Variants in KIRREL1 observed in about 807,000 individuals in gnomAD.
The protein encoded by KIRREL1 is kirre like nephrin family adhesion molecule 1, also known as kin of IRRE-like protein 1.
In KIRREL1, 25 loss-of-function variants were observed where a neutral mutation model predicts 83.3. The observed-to-expected ratio is 0.30, with a 90% CI of 0.22 to 0.42. The LOEUF (loss-of-function observed/expected upper bound fraction) is 0.42, where lower values mean the gene tolerates loss of function less well. Ranked by LOEUF, KIRREL1 falls within the 10% of genes least tolerant of loss-of-function variation. KIRREL1 has a pLI of 1.00. For missense variants in KIRREL1, 812 were observed against 1,032.3 expected (o/e 0.79, Z 2.92); for synonymous variants, 388 against 410.4 (o/e 0.95, Z 0.66).
At position 158,099,737 on chromosome 1, in the gene KIRREL1, G is replaced by A. The variant is rs754954869; in HGVS notation, c.*4617G>A. The A allele has an allele frequency of 2.0e-5, 3 of 152,102 alleles. No individual in the cohort carries two copies. Among genetic ancestry groups the A allele is most frequent in the Non-Finnish European group, 4.4e-5 (3 of 68,034 alleles). 9.4% of individuals were successfully genotyped at this position (152,102 alleles called of 1,614,324 possible). On this transcript the variant is annotated 3_prime_UTR_variant, in exon 15 of 15. Transcript: ENST00000359209. Reference sequence around the variant, plus strand: ...TGGTTTTTTGCTGGCCCCAACCACTGGCCTTGTTGAGTATCGATGGGCCCT... The same window carrying A: ...TGGTTTTTTGCTGGCCCCAACCACTAGCCTTGTTGAGTATCGATGGGCCCT...
chr1:158,013,098 T>G (rs557929966), intron 1 of KIRREL1, among the ~76,000 whole-genome samples: 4 of 152,348 alleles, frequency 2.6e-5, no homozygotes, highest in African/African-American at 9.6e-5. Flanking sequence ...AATGAAGTCT[T>G]CTGACTCCCC....
chr1:158,053,936 T>A (rs773922418), intron 1 of KIRREL1, among the ~76,000 whole-genome samples: 1 of 149,052 alleles, frequency 6.7e-6, no homozygotes, highest in Non-Finnish European at 1.5e-5. Flanking sequence ...GGATGGGCCG[T>A]GTGCAGTGGC....
chr1:158,039,038 G>A (rs1660552929), intron 1 of KIRREL1, among the ~76,000 whole-genome samples: 1 of 152,218 alleles, frequency 6.6e-6, no homozygotes, highest in Non-Finnish European at 1.5e-5. Context: ...GGAAGAGCCA[G>A]GCTGACCACA....
chr1:157,998,547 A>G (rs901102006), intron 1 of KIRREL1, among the ~76,000 whole-genome samples: 28 of 152,166 alleles, frequency 1.8e-4, no homozygotes, highest in African/African-American at 6.0e-4. Context: ...ATGAACTACA[A>G]ATTTGGGAAT....
At chr1:158,073,041 G>A (rs943078156) in intron 1 of KIRREL1, among the ~76,000 whole-genome samples, 9 of 152,152 alleles carry the variant, frequency 5.9e-5, no homozygotes, top group South Asian at 2.1e-4. Context: ...GACTTGGGGC[G>A]TTCCTGTAAT....
chr1:158,067,188 C>T (rs1661378309), intron 1 of KIRREL1, among the ~76,000 whole-genome samples: 1 of 152,146 alleles, frequency 6.6e-6, no homozygotes, highest in Admixed American at 6.5e-5. Flanking sequence ...GCTGGCAGGT[C>T]GCTTCAGGGA....
chr1:158,061,293 C>T lies in KIRREL1; in HGVS notation c.53-14820C>T, dbSNP rs73022672. On this transcript the variant is annotated intron_variant, in intron 1 of 14. Transcript: ENST00000359209. ...AGATAGGTGTCACAAGCAATCAAAA[C>T]GAGCCTTTCTGCATCCAGCCCTGGA... is the stretch of plus-strand genomic sequence containing the variant. 7.7e-3 allele frequency among the ~76,000 whole-genome samples: 1,168 copies of T among 152,292 alleles called. 16 individuals carry two copies. Among genetic ancestry groups the T allele is most frequent in the African/African-American group, 0.026 (1,061 of 41,550 alleles).
intron 2 of KIRREL1, 67 bp downstream of exon 2, chr1:158,076,329 G>A (rs1661681374): frequency 1.4e-6 from 2 of 1,470,874 alleles, no homozygotes; most frequent in Non-Finnish European, 1.9e-6. Context: ...TTCCAGCATA[G>A]ATTCCTGGAC....
chr1:158,094,416 C>T lies in KIRREL1; in HGVS notation c.1797+26C>T. 4 of 1,605,404 alleles carry T rather than the reference C, an allele frequency of 2.5e-6. No homozygotes were observed. Among genetic ancestry groups the T allele is most frequent in the Non-Finnish European group, 2.6e-6 (3 of 1,174,090 alleles). ...GTGGGAAAGGGGGAAGGGGCCAGGGCATGAGGGCTGGTGGGCCAGTGGGTT... is the reference window on the plus strand; with the variant it reads ...GTGGGAAAGGGGGAAGGGGCCAGGGTATGAGGGCTGGTGGGCCAGTGGGTT... On this transcript the variant is annotated intron_variant, in intron 14 of 14. Coordinates refer to ENST00000359209, the MANE Select transcript of KIRREL1 (RefSeq NM_018240.7). This position sits in a 1 kb window ranked among gnomAD's most constrained non-coding sequence, Gnocchi z 4.6.
At chr1:158,086,423 AACACAC>A (rs61585802) in intron 4 of KIRREL1, among the ~76,000 whole-genome samples, 167 bp from the exon 5 acceptor site, 28 of 148,388 alleles carry the variant, frequency 1.9e-4, no homozygotes, top group African/African-American at 6.7e-4. Flanking sequence ...CTATTGATTA[AACACAC>A]ACACACACAC....
At chr1:158,046,133 T>C (rs1235125070) in intron 1 of KIRREL1, among the ~76,000 whole-genome samples, 2 of 152,220 alleles carry the variant, frequency 1.3e-5, no homozygotes, top group Admixed American at 6.5e-5. Flanking sequence ...GAGAGACCCA[T>C]TAAGCAGCTA....
At chr1:158,073,713 T>C (rs1051217917) in intron 1 of KIRREL1, among the ~76,000 whole-genome samples, 4 of 152,194 alleles carry the variant, frequency 2.6e-5, no homozygotes, top group African/African-American at 4.8e-5. Context: ...ATATGAGGAA[T>C]TGACACACCC....
chr1:158,098,310 T>C lies in KIRREL1; in HGVS notation c.*3190T>C, dbSNP rs1662404874. The C allele has an allele frequency of 6.6e-6, 1 of 152,180 alleles. No individual in the cohort carries two copies. The highest frequency in any genetic ancestry group is 6.5e-5 in the Admixed American group (1 of 15,276). The allele number at this position is 152,180 out of a possible 1,614,324, so 9.4% of individuals were successfully genotyped here. A position where few individuals can be genotyped will look rare whatever the true frequency, so the allele number is the denominator to read the frequency against. ...AGGACATAGTATGCACATAGGGATA[T>C]TGTTATGTGCCTAGGTTTCAGGCAC... On this transcript the variant is annotated 3_prime_UTR_variant, in exon 15 of 15. Coordinates refer to ENST00000359209, the MANE Select transcript of KIRREL1 (RefSeq NM_018240.7).
At chr1:158,046,196 A>G (rs1660772554) in intron 1 of KIRREL1, among the ~76,000 whole-genome samples, 1 of 152,248 alleles carries the variant, frequency 6.6e-6, no homozygotes, top group African/African-American at 2.4e-5. Flanking sequence ...GCATGCCTAG[A>G]GTCCACAAAA....
At chr1:157,995,667 TG>T (rs1659174990) in intron 1 of KIRREL1, among the ~76,000 whole-genome samples, 1 of 152,078 alleles carries the variant, frequency 6.6e-6, no homozygotes, top group Non-Finnish European at 1.5e-5. Context: ...TGGATTGAAT[TG>T]GGGACAGAAA....
At chr1:158,024,940 C>T (rs536228681) in intron 1 of KIRREL1, among the ~76,000 whole-genome samples, 9 of 152,312 alleles carry the variant, frequency 5.9e-5, no homozygotes, top group South Asian at 4.1e-4. Context: ...TCCTCCCTTC[C>T]GATTTCTTCA....
At chr1:158,051,566 T>C (rs1660911251) in intron 1 of KIRREL1, among the ~76,000 whole-genome samples, 1 of 152,354 alleles carries the variant, frequency 6.6e-6, no homozygotes, top group Admixed American at 6.5e-5. Flanking sequence ...TCTTGTTTCC[T>C]CCTTTTTGTA....
rs751605917 is a variant in KIRREL1, at chr1:158,094,802, C to A, written c.1956C>A (p.Thr652=). Residue 652 remains threonine, a synonymous_variant, in exon 15 of 15, where the codon ACC becomes ACA. Coordinates refer to ENST00000359209, the MANE Select transcript of KIRREL1 (RefSeq NM_018240.7). The surrounding 1 kb of genome is among the most constrained non-coding windows in gnomAD (Gnocchi z 4.6). ...CCAGCGGCTATGCCCAGCTCAACAC[C>A]TATAGCCGGGGCCCTGCCTCTGACT... ...SHSSGYAQLN[T]YSRGPASDYG... 6.2e-7 allele frequency: 1 copy of A among 1,614,120 alleles called. No individual in the cohort carries two copies. Among genetic ancestry groups the A allele is most frequent in the Non-Finnish European group, 8.5e-7 (1 of 1,180,024 alleles).
intron 1 of KIRREL1, among the ~76,000 whole-genome samples, chr1:158,011,777 G>C (rs749649581): frequency 5.3e-5 from 8 of 152,154 alleles, no homozygotes; most frequent in Non-Finnish European, 1.0e-4. Flanking sequence ...GGGCAGCAGT[G>C]GGGGAAGGAG....
Sources: gnomAD v4.1 joint callset for allele counts (sites outside exome capture counted in the v4.1 genomes callset) on GRCh38, gnomAD v4.1.1 for gene constraint, Gnocchi (gnomAD v3.1) non-coding constraint, MANE v1.5 for transcripts, NCBI Gene and HGNC (gene_info 2026-07-23, HGNC 2026-07-21) for gene names.